Variants in IL1RAPL1 observed in about 807,000 individuals in gnomAD.
The protein encoded by IL1RAPL1 is interleukin-1 receptor accessory protein-like 1.
A neutral mutation model predicts 48.4 loss-of-function variants in IL1RAPL1; 3 were observed. That is an observed-to-expected ratio of 0.06 (90% CI 0.03 to 0.16). IL1RAPL1 has a LOEUF of 0.16. IL1RAPL1 is among the 10% of genes least tolerant of loss of function. IL1RAPL1 has a pLI of 1.00. For synonymous variants in IL1RAPL1, 185 were observed against 187.7 expected (o/e 0.99, Z 0.12); for missense variants, 349 against 530.6 (o/e 0.66, Z 3.36).
At chrX:29,104,491 G>A (rs751738596) in intron 2 of IL1RAPL1, among the ~76,000 whole-genome samples, 1 of 110,537 alleles carries the variant, frequency 9.0e-6, no homozygotes, top group Non-Finnish European at 1.9e-5. Flanking sequence ...AAATTGGGAG[G>A]GGGAGTGGGA....
intron 5 of IL1RAPL1, among the ~76,000 whole-genome samples, chrX:29,429,892 GTGGTGTGTGTGTGT>G (rs1309943776): frequency 9.6e-5 from 6 of 62,511 alleles, no homozygotes; most frequent in African/African-American, 3.7e-4. Context: ...GTGTGTGTGT[GTGGTGTGTGTGTGT>G]GTGTGTGTGT....
Position 29,781,158 on chromosome X carries a change from C to T in IL1RAPL1, c.778+112654C>T, listed in dbSNP as rs781453764. On this transcript the variant is annotated intron_variant, in intron 6 of 10. Transcript: ENST00000378993. ...ACATTTCTGTCTTTGAGCTAATCATCCTCTTTTTAACAGCATACGCATTCC... is the reference window on the plus strand; with the variant it reads ...ACATTTCTGTCTTTGAGCTAATCATTCTCTTTTTAACAGCATACGCATTCC... 1.6e-4 allele frequency among the ~76,000 whole-genome samples: 18 copies of T among 112,094 alleles called. No individual in the cohort carries two copies. The South Asian group carries it at 6.4e-3, about 40-fold the overall frequency.
At chrX:28,808,468 A>C (rs1207699127) in intron 2 of IL1RAPL1, among the ~76,000 whole-genome samples, 1 of 110,903 alleles carries the variant, frequency 9.0e-6, no homozygotes, top group Non-Finnish European at 1.9e-5. Context: ...GCATTAATAC[A>C]TGAAGAGTTA....
intron 5 of IL1RAPL1, among the ~76,000 whole-genome samples, chrX:29,643,172 G>A (rs765741110): frequency 1.8e-5 from 2 of 112,179 alleles, no homozygotes; most frequent in Non-Finnish European, 3.8e-5. Flanking sequence ...TTTGTTTGAC[G>A]ATGTGGCAAA....
intron 6 of IL1RAPL1, among the ~76,000 whole-genome samples, chrX:29,902,958 T>G (rs5973298): frequency 0.38 from 42,473 of 110,416 alleles, 7,572 homozygotes; most frequent in African/African-American, 0.7. Flanking sequence ...GTTATATCTT[T>G]CAGCAATCAC....
chrX:28,677,747 C>T (rs1159360926), intron 1 of IL1RAPL1, among the ~76,000 whole-genome samples: 2 of 110,824 alleles, frequency 1.8e-5, no homozygotes, highest in Non-Finnish European at 3.8e-5. Flanking sequence ...ACCACGAAGC[C>T]CAACTAATTT....
intron 5 of IL1RAPL1, among the ~76,000 whole-genome samples, chrX:29,630,087 G>T (rs1468172377): frequency 2.7e-5 from 3 of 112,082 alleles, no homozygotes; most frequent in Middle Eastern, 4.2e-3. Context: ...CTGGAAGCTG[G>T]AAAGTCCCAG....
Position 29,955,496 on chromosome X carries a change from C to G in IL1RAPL1, c.1767C>G (p.Ala589=). 8.3e-7 allele frequency: 1 copy of G among 1,211,369 alleles called. No homozygotes were observed. Among genetic ancestry groups the G allele is most frequent in the Admixed American group, 2.2e-5 (1 of 46,018 alleles). Residue 589 remains alanine, a synonymous_variant, in exon 11 of 11, where the codon GCC becomes GCG. Coordinates refer to ENST00000378993, the MANE Select transcript of IL1RAPL1 (RefSeq NM_014271.4). ...TTGGGGAGCTGCAGACTGTCTCGGC[C>G]ATTTCCATGGCCGCGGCCACCTCCA... The part of the protein sequence containing the change: ...GPFGELQTVS[A]ISMAAATSTA...
intron 9 of IL1RAPL1, among the ~76,000 whole-genome samples, chrX:29,950,909 A>T (rs1049920804): frequency 9.0e-6 from 1 of 110,877 alleles, no homozygotes; most frequent in African/African-American, 3.3e-5. Context: ...CGATCTCCTG[A>T]CCTTGTGATC....
At chrX:28,874,498 T>C (rs1175089705) in intron 2 of IL1RAPL1, among the ~76,000 whole-genome samples, 1 of 112,277 alleles carries the variant, frequency 8.9e-6, no homozygotes, top group African/African-American at 3.2e-5. Flanking sequence ...CATTCAATCA[T>C]CAGTTATCTA....
chrX:29,655,725 G>T (rs1393773274), intron 5 of IL1RAPL1, among the ~76,000 whole-genome samples: 1 of 103,215 alleles, frequency 9.7e-6, no homozygotes, highest in Non-Finnish European at 2.0e-5. Context: ...ATTAAAATTA[G>T]AAGAGGTAGG....
rs113810791 is a variant in IL1RAPL1, at chrX:28,686,502, T to G, written c.-25+98455T>G. ...TGAACACTTGGAAAAGAAAATGCCC[T>G]TGGACATTTGGTTAGCTGCATATCT... On this transcript the variant is annotated intron_variant, in intron 1 of 10. Coordinates refer to ENST00000378993, the MANE Select transcript of IL1RAPL1 (RefSeq NM_014271.4). Among the ~76,000 whole-genome samples the G allele has an allele frequency of 7.3e-3, 821 of 112,005 alleles. 13 individuals carry two copies. Among genetic ancestry groups the G allele is most frequent in the African/African-American group, 0.025 (766 of 30,887 alleles).
At chrX:28,906,118 G>A (rs1053561806) in intron 2 of IL1RAPL1, among the ~76,000 whole-genome samples, 2 of 111,709 alleles carry the variant, frequency 1.8e-5, no homozygotes, top group Non-Finnish European at 3.8e-5. Context: ...AGGAGTGAAG[G>A]GGAAAGAGCC....
intron 5 of IL1RAPL1, among the ~76,000 whole-genome samples, chrX:29,530,123 T>C (rs1156451250): frequency 9.0e-6 from 1 of 111,555 alleles, no homozygotes; most frequent in African/African-American, 3.3e-5. Flanking sequence ...ACCTTGGGGG[T>C]TTTTATTGTA....
intron 2 of IL1RAPL1, among the ~76,000 whole-genome samples, chrX:29,031,519 T>C (rs1040578580): frequency 1.8e-5 from 2 of 112,097 alleles, no homozygotes; most frequent in Non-Finnish European, 1.9e-5. Flanking sequence ...AACATTGTAA[T>C]GACCTTGTGA....
intron 1 of IL1RAPL1, among the ~76,000 whole-genome samples, chrX:28,656,006 A>C (rs2146906280): frequency 8.9e-6 from 1 of 111,908 alleles, no homozygotes; most frequent in East Asian, 2.8e-4. Context: ...TCATGTAAAA[A>C]ATTTCTTATT....
rs554690098 is a variant in IL1RAPL1 at position 29,497,165 on chromosome X, C to T, written c.703+97857C>T. The stretch of plus-strand genomic sequence containing the variant: ...CTTCATACATTTTGGAAAAACCCCA[C>T]GGCCCTCTGATTTATTTATAGCTGA... On this transcript the variant is annotated intron_variant, in intron 5 of 10. Coordinates refer to ENST00000378993, the MANE Select transcript of IL1RAPL1 (RefSeq NM_014271.4). Among the ~76,000 whole-genome samples the T allele has an allele frequency of 3.6e-4, 40 of 111,760 alleles. No homozygotes were observed. In the Middle Eastern group the frequency reaches 0.023, roughly 64 times the overall value.
intron 2 of IL1RAPL1, among the ~76,000 whole-genome samples, chrX:29,199,158 A>G (rs1930503352): frequency 8.9e-6 from 1 of 112,002 alleles, no homozygotes; most frequent in Admixed American, 9.5e-5. Flanking sequence ...AATATCCACT[A>G]CCATAAAGAG....
At chrX:28,815,886 A>G (rs866478674) in intron 2 of IL1RAPL1, among the ~76,000 whole-genome samples, 5 of 21,964 alleles carry the variant, frequency 2.3e-4, no homozygotes, top group African/African-American at 6.5e-4. Flanking sequence ...TATATATATA[A>G]TTTTTTTCTT....
Sources: gnomAD v4.1 joint callset for allele counts (sites outside exome capture counted in the v4.1 genomes callset) on GRCh38, gnomAD v4.1.1 for gene constraint, MANE v1.5 for transcripts, NCBI Gene and HGNC (gene_info 2026-07-23, HGNC 2026-07-21) for gene names.